CEMIP: variants seen among roughly 807,000 people sequenced by gnomAD.
The protein encoded by CEMIP is cell migration-inducing and hyaluronan-binding protein.
CEMIP carries 105 observed loss-of-function variants against 156.9 expected under a neutral mutation model. The ratio of observed to expected loss-of-function variants is 0.67; its 90% CI spans 0.57 to 0.79. CEMIP has a LOEUF of 0.79. Among genes scored for constraint, CEMIP ranks in the 30% least tolerant of loss-of-function variants. The pLI is 0.00. For missense variants in CEMIP, 1,457 were observed against 1,769.4 expected (o/e 0.82, Z 3.17); for synonymous variants, 676 against 668.4 (o/e 1.01, Z -0.17).
At position 80,936,928 on chromosome 15, in the gene CEMIP, A is replaced by G. The variant is rs779039200; in HGVS notation, c.3221+43A>G. ...CAGGAGCAGTGAGCTCAAAGCTGAT[A>G]ACGATGCCTTGTTGCAAAGTCCTGG... On this transcript the variant is annotated intron_variant, in intron 24 of 29. Transcript: ENST00000394685. 2.5e-6 allele frequency: 4 copies of G among 1,581,540 alleles called. No homozygotes were observed. In the Admixed American group the frequency reaches 5.0e-5, roughly 20 times the overall value.
In CEMIP at chr15:80,932,162, C is replaced by T. The variant is rs1169392276; in HGVS notation, c.2793+123C>T. The T allele has an allele frequency of 2.7e-6, 3 of 1,106,240 alleles. No homozygotes were observed. The highest frequency in any genetic ancestry group is 2.4e-5 in the East Asian group (1 of 41,162). The allele number at this position is 1,106,240 out of a possible 1,614,324, so 68.5% of individuals were successfully genotyped here. On this transcript the variant is annotated intron_variant, in intron 22 of 29. Transcript: ENST00000394685. This position sits in a 1 kb window ranked among gnomAD's most constrained non-coding sequence, Gnocchi z 4.5. ...GCAGGGGTTGAGAAGCCTCCTCCAA[C>T]TAGGCTGGGCCATGTCCCAGTTTGC... is the stretch of plus-strand genomic sequence containing the variant.
Position 80,942,263 on chromosome 15 carries a change from C to T in CEMIP, c.3625C>T (p.His1209Tyr), listed in dbSNP as rs140790232. The change falls in exon 27 of 30, where the codon CAT becomes TAT. Residue 1209 changes from histidine to tyrosine, a missense_variant. Physicochemically the swap from His to Tyr is moderately conservative, Grantham distance 83. Coordinates refer to ENST00000394685, the MANE Select transcript of CEMIP (RefSeq NM_001293298.2). ...LFGSQLKTKD[H>Y]FLEVKMESSK... ...ATGTGTTTTCCAGAAAACAAAGGAC[C>T]ATTTCTTGGAGGTGAAGATGGAGAG... The T allele has an allele frequency of 2.3e-3, 3,710 of 1,613,900 alleles. 15 individuals carry two copies. The highest frequency in any genetic ancestry group is 4.3e-3 in the Middle Eastern group (26 of 6,062).
intron 14 of CEMIP, among the ~76,000 whole-genome samples, chr15:80,919,811 T>C (rs1324788719): frequency 1.1e-4 from 3 of 26,454 alleles, no homozygotes; most frequent in Non-Finnish European, 6.4e-4. Context: ...TGAGACTCCA[T>C]CTCAAAAAAA....
At chr15:80,785,935 A>G (rs1453360273) in intron 1 of CEMIP, among the ~76,000 whole-genome samples, 2 of 152,216 alleles carry the variant, frequency 1.3e-5, no homozygotes, top group East Asian at 3.8e-4. Flanking sequence ...AGCAGCTGTT[A>G]GGCCTCTTTC....
chr15:80,896,343 C>T (rs762181801), intron 12 of CEMIP: 37 of 578,118 alleles, frequency 6.4e-5, no homozygotes, highest in Admixed American at 3.0e-4. Flanking sequence ...ATTCTTCTCA[C>T]GGGGGAGATT....
intron 1 of CEMIP, among the ~76,000 whole-genome samples, 188 bp downstream of exon 1, chr15:80,779,802 A>T (rs1372445113): frequency 6.6e-6 from 1 of 152,136 alleles, no homozygotes; most frequent in East Asian, 1.9e-4. Flanking sequence ...GCGTCTGTTG[A>T]TGGGCACACG....
At chr15:80,825,746 A>G (rs1232043839) in intron 1 of CEMIP, among the ~76,000 whole-genome samples, 1 of 152,262 alleles carries the variant, frequency 6.6e-6, no homozygotes, top group African/African-American at 2.4e-5. Flanking sequence ...GATATCATTC[A>G]GGGCACAGAA....
chr15:80,885,755 T>C (rs1898814249), intron 7 of CEMIP, among the ~76,000 whole-genome samples: 1 of 152,216 alleles, frequency 6.6e-6, no homozygotes, highest in Non-Finnish European at 1.5e-5. Flanking sequence ...TTAAATGTGA[T>C]AATATGAACA....
intron 19 of CEMIP, among the ~76,000 whole-genome samples, chr15:80,926,491 G>A (rs1900673088): frequency 6.6e-6 from 1 of 152,162 alleles, no homozygotes; most frequent in African/African-American, 2.4e-5. Context: ...AAGTAAAGGA[G>A]AAATAAAGGT....
At chr15:80,821,567 CTG>C (rs1438611991) in intron 1 of CEMIP, among the ~76,000 whole-genome samples, 38 of 152,212 alleles carry the variant, frequency 2.5e-4, no homozygotes, top group Non-Finnish European at 2.6e-4. Flanking sequence ...TTCAAGAGGC[CTG>C]TGAGAGATGA....
At chr15:80,862,624 A>G (rs1234366897) in intron 1 of CEMIP, among the ~76,000 whole-genome samples, 1 of 152,234 alleles carries the variant, frequency 6.6e-6, no homozygotes. Context: ...ACTGTGAGGT[A>G]GGAGGCAGCT....
At chr15:80,914,662 T>G (rs894538327) in intron 14 of CEMIP, among the ~76,000 whole-genome samples, 1 of 152,248 alleles carries the variant, frequency 6.6e-6, no homozygotes, top group Non-Finnish European at 1.5e-5. Flanking sequence ...CTTTTCCTGG[T>G]TACCTCCCTC....
intron 1 of CEMIP, among the ~76,000 whole-genome samples, chr15:80,863,143 CA>C (rs1304586663): frequency 6.6e-6 from 1 of 152,178 alleles, no homozygotes; most frequent in Non-Finnish European, 1.5e-5. Flanking sequence ...CAAGCTTTAA[CA>C]GGGAAAGTAC....
rs1900998550 is a variant in CEMIP at position 80,933,365 on chromosome 15, T to C, written c.2914T>C (p.Tyr972His). ...DGSVSEYPGS[Y>H]LTKNDNWLVR... ...CTCCGTGTCCGAGTACCCTGGCTCC[T>C]ACCTCACGAAGAATGACAACTGGCT... The change falls in exon 23 of 30, where the codon TAC becomes CAC. Residue 972 changes from tyrosine to histidine, a missense_variant. Transcript: ENST00000394685. 6.2e-7 allele frequency: 1 copy of C among 1,614,088 alleles called. No individual in the cohort carries two copies.
intron 1 of CEMIP, among the ~76,000 whole-genome samples, chr15:80,784,977 T>C (rs1480979462): frequency 2.0e-5 from 3 of 152,218 alleles, no homozygotes; most frequent in Non-Finnish European, 4.4e-5. Flanking sequence ...GACCTTATAA[T>C]GACCCTTAAA....
chr15:80,938,862 CTG>C, intron 25 of CEMIP, among the ~76,000 whole-genome samples: 1 of 152,296 alleles, frequency 6.6e-6, no homozygotes, highest in East Asian at 1.9e-4. Context: ...CGATAGCAAA[CTG>C]TGAGGAGTAA....
At chr15:80,948,660 C>T in intron 29 of CEMIP, 137 bp from the exon 30 acceptor site, 1 of 1,175,478 alleles carries the variant, frequency 8.5e-7, no homozygotes, top group Non-Finnish European at 1.3e-6. Context: ...CAGAGCTCTT[C>T]CCAAGGGGCC....
At chr15:80,947,132 G>A (rs191099093) in intron 29 of CEMIP, 67 bp downstream of exon 29, 91 of 1,021,552 alleles carry the variant, frequency 8.9e-5, no homozygotes, top group Non-Finnish European at 9.4e-5. Context: ...GGCATGGAGG[G>A]TGCTGTCATC....
chr15:80,885,837 C>T (rs1002564774), intron 7 of CEMIP, among the ~76,000 whole-genome samples: 1 of 152,196 alleles, frequency 6.6e-6, no homozygotes. Context: ...TCCTTATAAG[C>T]AAGAGCCACT....
Sources: gnomAD v4.1 joint callset for allele counts (sites outside exome capture counted in the v4.1 genomes callset) on GRCh38, gnomAD v4.1.1 for gene constraint, Gnocchi (gnomAD v3.1) non-coding constraint, MANE v1.5 for transcripts, NCBI Gene and HGNC (gene_info 2026-07-23, HGNC 2026-07-21) for gene names.